GRK7: variants seen among roughly 807,000 people sequenced by gnomAD.
GRK7 encodes the protein rhodopsin kinase GRK7.
GRK7 carries 24 observed loss-of-function variants against 34.1 expected under a neutral mutation model. That is an observed-to-expected ratio of 0.70 (90% CI 0.51 to 0.99). The LOEUF (loss-of-function observed/expected upper bound fraction) is 0.99, where lower values mean the gene tolerates loss of function less well. Ranked by LOEUF, GRK7 falls within the 50% of genes least tolerant of loss-of-function variation. The pLI, the probability that GRK7 is intolerant of heterozygous loss-of-function variation, is 0.00. For missense variants in GRK7, 644 were observed against 707.3 expected (o/e 0.91, Z 1.02); for synonymous variants, 256 against 279.4 (o/e 0.92, Z 0.84).
chr3:141,773,721 C>T (rs529332938), intron 1 of GRK7, among the ~76,000 whole-genome samples: 2 of 152,170 alleles, frequency 1.3e-5, no homozygotes, highest in East Asian at 3.9e-4. Flanking sequence ...GCCTGATGGT[C>T]GTGATTTAAA....
At chr3:141,782,320 C>G (rs893840441) in intron 4 of GRK7, among the ~76,000 whole-genome samples, 2 of 152,022 alleles carry the variant, frequency 1.3e-5, no homozygotes, top group Non-Finnish European at 2.9e-5. Flanking sequence ...GGAAAGAGAT[C>G]TGATGGGACT....
At position 141,778,873 on chromosome 3, in the gene GRK7, C is replaced by G. The variant is rs757033589; in HGVS notation, c.589C>G (p.Leu197Val). 6.2e-7 allele frequency: 1 copy of G among 1,611,394 alleles called. No homozygotes were observed. Among genetic ancestry groups the G allele is most frequent in the Non-Finnish European group, 8.5e-7 (1 of 1,178,748 alleles). ...CAAGTACTTCACTGAGTTCAGAGTG[C>G]TGGGGAAAGGTGGTTTTGGGGAGGT... The part of the protein sequence containing the change: ...SDKYFTEFRV[L>V]GKGGFGEVCA... The change falls in exon 3 of 6, where the codon CTG becomes GTG. Residue 197 changes from leucine to valine, a missense_variant. Coordinates refer to ENST00000682958, the MANE Select transcript of GRK7 (RefSeq NM_139209.3). The surrounding 1 kb of genome is among the most constrained non-coding windows in gnomAD (Gnocchi z 4.1).
At chr3:141,767,837 T>C (rs1256121508) in intron 1 of GRK7, among the ~76,000 whole-genome samples, 2 of 152,174 alleles carry the variant, frequency 1.3e-5, no homozygotes, top group East Asian at 3.8e-4. Flanking sequence ...AAGTGAAAAG[T>C]ACCCTGGAAT....
In GRK7 at chr3:141,778,270, G is replaced by T. The variant is rs762567903; in HGVS notation, c.-15G>T. The T allele has an allele frequency of 9.1e-6, 14 of 1,542,674 alleles. No homozygotes were observed. In the East Asian group the frequency reaches 2.9e-4, roughly 32 times the overall value. ...CCTCTTGTGCTTTCCCTGGGAGTGC[G>T]CCCCGTGCTCAGCCATGGTGGACAT... On this transcript the variant is annotated 5_prime_UTR_variant, in exon 3 of 6. Coordinates refer to ENST00000682958, the MANE Select transcript of GRK7 (RefSeq NM_139209.3). The surrounding 1 kb of genome is among the most constrained non-coding windows in gnomAD (Gnocchi z 4.1).
Position 141,778,893 on chromosome 3 carries a change from G to T in GRK7, c.609G>T (p.Gly203=). The T allele has an allele frequency of 1.9e-6, 3 of 1,606,006 alleles. No individual in the cohort carries two copies. The highest frequency in any genetic ancestry group is 2.5e-6 in the Non-Finnish European group (3 of 1,176,684). The part of the protein sequence containing the change: ...EFRVLGKGGF[G]EVCAVQVKNT... ...GAGTGCTGGGGAAAGGTGGTTTTGG[G>T]GAGGTAAGTGTCTCCCAGTAGCCAG... Residue 203 remains glycine (G), a synonymous_variant, in exon 3 of 6, where the codon GGG becomes GGT. Coordinates refer to ENST00000682958, the MANE Select transcript of GRK7 (RefSeq NM_139209.3). This position sits in a 1 kb window ranked among gnomAD's most constrained non-coding sequence, Gnocchi z 4.1.
chr3:141,772,352 C>T (rs2084620674), intron 1 of GRK7, among the ~76,000 whole-genome samples: 3 of 152,020 alleles, frequency 2.0e-5, no homozygotes, highest in South Asian at 4.1e-4. Flanking sequence ...CTTAGCCTCC[C>T]AAAGTGCTGG....
intron 1 of GRK7, among the ~76,000 whole-genome samples, chr3:141,770,419 T>G (rs554962128): frequency 6.0e-4 from 91 of 152,308 alleles, no homozygotes; most frequent in African/African-American, 2.1e-3. Flanking sequence ...AGATTTCAAC[T>G]AGGAGCCACC....
At chr3:141,788,160 G>T (rs571668243) in intron 4 of GRK7, among the ~76,000 whole-genome samples, 1 of 152,238 alleles carries the variant, frequency 6.6e-6, no homozygotes, top group African/African-American at 2.4e-5. Flanking sequence ...GTGCCTCCCT[G>T]GGGGGGCACA....
chr3:141,799,473 G>A (rs1003862474), intron 4 of GRK7, among the ~76,000 whole-genome samples: 11 of 152,032 alleles, frequency 7.2e-5, no homozygotes, highest in Admixed American at 3.9e-4. Context: ...TTAGCCGGGC[G>A]TGGTGGTGAG....
At position 141,778,508 on chromosome 3, in the gene GRK7, C is replaced by T; in HGVS notation, c.224C>T (p.Ala75Val). 1.9e-6 allele frequency: 3 copies of T among 1,613,378 alleles called. No homozygotes were observed. The highest frequency in any genetic ancestry group is 1.7e-6 in the Non-Finnish European group (2 of 1,179,974). ...CGCCGCCTCTTCCGTGACTTCCTAG[C>T]CACAGTGCCCACGTTCCGCAAGGCG... Reference protein sequence around the residue: ...IGRRLFRDFLATVPTFRKAAT... With the variant: ...IGRRLFRDFLVTVPTFRKAAT... The change falls in exon 3 of 6, where the codon GCC becomes GTC. Residue 75 changes from alanine (A) to valine (V), a missense_variant. Coordinates refer to ENST00000682958, the MANE Select transcript of GRK7 (RefSeq NM_139209.3). The surrounding 1 kb of genome is among the most constrained non-coding windows in gnomAD (Gnocchi z 4.1).
intron 5 of GRK7, among the ~76,000 whole-genome samples, chr3:141,809,156 C>G (rs371104768): frequency 6.6e-5 from 10 of 152,012 alleles, no homozygotes; most frequent in African/African-American, 2.4e-4. Context: ...GAGCCGAGAT[C>G]GCGCCACTGC....
In GRK7 at chr3:141,780,517, C is replaced by T; in HGVS notation, c.756C>T (p.Val252=). Residue 252 remains valine (V), a synonymous_variant, in exon 4 of 6, where the codon GTC becomes GTT. Coordinates refer to ENST00000682958, the MANE Select transcript of GRK7 (RefSeq NM_139209.3). The part of the protein sequence containing the change: ...ILEKVSSPFI[V]SLAYAFESKT... ...AGAAGGTCAGCAGCCCTTTCATTGTCTCTCTGGCCTATGCCTTTGAGAGCA... is the reference window on the plus strand; with the variant it reads ...AGAAGGTCAGCAGCCCTTTCATTGTTTCTCTGGCCTATGCCTTTGAGAGCA... The T allele has an allele frequency of 6.2e-7, 1 of 1,614,254 alleles. No individual in the cohort carries two copies. Among genetic ancestry groups the T allele is most frequent in the Non-Finnish European group, 8.5e-7 (1 of 1,180,058 alleles).
chr3:141,810,854 A>G (rs900946726), intron 5 of GRK7, among the ~76,000 whole-genome samples: 4 of 152,154 alleles, frequency 2.6e-5, no homozygotes, highest in African/African-American at 7.2e-5. Flanking sequence ...CAAATAGGAT[A>G]TGGTGACCAC....
At chr3:141,752,798 A>G in the GRK7 span, among the ~76,000 whole-genome samples, 1 of 152,134 alleles carries the variant, frequency 6.6e-6, no homozygotes, top group African/African-American at 2.4e-5. Context: ...CTAACCCCCA[A>G]TGTGATTATA....
intron 4 of GRK7, among the ~76,000 whole-genome samples, chr3:141,798,554 G>C (rs1200056601): frequency 6.6e-6 from 1 of 152,208 alleles, no homozygotes; most frequent in Non-Finnish European, 1.5e-5. Flanking sequence ...TGCACTGAAG[G>C]AGACGGTTCT....
At chr3:141,757,138 T>TTC in the GRK7 span, among the ~76,000 whole-genome samples, 1 of 115,876 alleles carries the variant, frequency 8.6e-6, no homozygotes, top group African/African-American at 5.1e-5. Flanking sequence ...TCTTTTTTTT[T>TTC]TTTTTTTTCT....
intron 5 of GRK7, among the ~76,000 whole-genome samples, chr3:141,810,299 T>C (rs1034911867): frequency 2.0e-4 from 5 of 25,040 alleles, no homozygotes; most frequent in Admixed American, 3.8e-4. Flanking sequence ...TCTCTCTCTC[T>C]CCCCATCCCT....
intron 4 of GRK7, among the ~76,000 whole-genome samples, chr3:141,784,873 G>A (rs2084688161): frequency 6.6e-6 from 1 of 152,144 alleles, no homozygotes; most frequent in Non-Finnish European, 1.5e-5. Flanking sequence ...GGATTAATGG[G>A]TTATCACAGG....
rs1272044025 is a variant in GRK7 at position 141,771,201 on chromosome 3, ATG to A, written c.-214-3370_-214-3369del. 6.6e-5 allele frequency among the ~76,000 whole-genome samples: 10 copies of A among 151,954 alleles called. No homozygotes were observed. In the South Asian group the frequency reaches 1.7e-3, roughly 25 times the overall value. On this transcript the variant is annotated intron_variant, in intron 1 of 5. Transcript: ENST00000682958. ...ATGGGTGACTGGGTAAAGAAAATGT[ATG>A]TGTGTGTGCACGTGTGTGTGTGTGT...
Sources: allele counts gnomAD v4.1 joint callset (sites outside exome capture counted in the v4.1 genomes callset), GRCh38; gene constraint gnomAD v4.1.1; non-coding constraint Gnocchi (gnomAD v3.1); transcripts MANE v1.5; gene names NCBI Gene and HGNC (gene_info 2026-07-23, HGNC 2026-07-21).